The following CCDC51 variants were observed in gnomAD, a reference collection of about 807,000 sequenced individuals.
CCDC51 encodes the protein coiled-coil domain containing 51, also known as mitochondrial potassium channel.
Under a neutral mutation model 24.8 loss-of-function variants are expected in CCDC51, and 25 were observed. That is an observed-to-expected ratio of 1.01 (90% confidence interval 0.73 to 1.41). The LOEUF (loss-of-function observed/expected upper bound fraction) is 1.41. Ranked by LOEUF, CCDC51 falls within the 40% of genes most tolerant of loss-of-function variation. The pLI is 0.00. For synonymous variants in CCDC51, 190 were observed against 204.3 expected, an observed-to-expected ratio of 0.93 and a Z score of 0.60; for missense variants, 466 against 519.1, an observed-to-expected ratio of 0.90 and a Z score of 0.99.
intron 1 of CCDC51, among the ~76,000 whole-genome samples, chr3:48,438,536 C>T (rs1462786630): frequency 2.0e-5 from 3 of 152,102 alleles, no homozygotes; most frequent in Non-Finnish European, 2.9e-5. Context: ...TCAACAACCT[C>T]GCATCACCCC....
chr3:48,443,815 T>A (rs760621563), upstream of CCDC51: 2 of 1,541,678 alleles, frequency 1.3e-6, no homozygotes, highest in East Asian at 2.4e-5. Flanking sequence ...AGAACTATAT[T>A]TTTCCCTAAT....
At position 48,433,376 on chromosome 3, in the gene CCDC51, G is replaced by A. The variant is rs2039248501; in HGVS notation, c.478-210C>T. ...AGTGAGTTGCATGATCGTCCCACCT[G>A]AGCAGTTCTGGGTTTGACCAGAGGT... On this transcript the variant is annotated intron_variant, in intron 3 of 3. Coordinates refer to ENST00000395694, the MANE Select transcript of CCDC51 (RefSeq NM_001256964.2). The surrounding 1 kb of genome is among the most constrained non-coding windows in gnomAD (Gnocchi z 4.4). 6.6e-6 allele frequency among the ~76,000 whole-genome samples: 1 copy of A among 152,212 alleles called. No individual in the cohort carries two copies. Among genetic ancestry groups the A allele is most frequent in the South Asian group, 2.1e-4 (1 of 4,836 alleles).
At chr3:48,442,260 CAA>C (rs199829895), upstream of CCDC51, among the ~76,000 whole-genome samples, 893 of 131,754 alleles carry the variant, frequency 6.8e-3, 12 homozygotes, top group African/African-American at 0.021. Flanking sequence ...GACCCTATCT[CAA>C]AAAAAAAAAA....
the CCDC51 span, among the ~76,000 whole-genome samples, chr3:48,446,000 C>G: frequency 6.6e-6 from 1 of 152,146 alleles, no homozygotes; most frequent in South Asian, 2.1e-4. Context: ...GTAGAATTCT[C>G]GTGTTAGTCT....
chr3:48,434,787 G>A (rs748599525), intron 2 of CCDC51, 30 bp downstream of exon 2: 9 of 1,553,622 alleles, frequency 5.8e-6, no homozygotes, highest in South Asian at 2.4e-5. Flanking sequence ...GTCAGAGGGC[G>A]GGGCCAGCCA....
upstream of CCDC51, chr3:48,440,237 A>G (rs3774808): frequency 0.57 from 884,268 of 1,551,282 alleles, 255,475 homozygotes; most frequent in Admixed American, 0.74. Context: ...GTCTACGACA[A>G]AGGGTGGGGC....
upstream of CCDC51, chr3:48,444,301 G>A (rs566005744): frequency 6.5e-6 from 1 of 154,072 alleles, no homozygotes; most frequent in South Asian, 2.0e-4. Flanking sequence ...AGGGGGTGGA[G>A]TCTCACTCTC....
upstream of CCDC51, chr3:48,443,748 A>G: frequency 1.1e-6 from 1 of 898,028 alleles, no homozygotes; most frequent in Non-Finnish European, 1.6e-6. Context: ...GTGAATGCCC[A>G]ATACAAAAGC....
Position 48,435,815 on chromosome 3 carries a change from T to C in CCDC51, c.-8-679A>G, listed in dbSNP as rs892059342. ...AAAACTGTTTTTGCCACAGAGGACT[T>C]TTCTTAGGTTCACGCCATACAACTC... On this transcript the variant is annotated intron_variant, in intron 1 of 3. Transcript: ENST00000395694. This position sits in a 1 kb window ranked among gnomAD's most constrained non-coding sequence, Gnocchi z 4.2. Among the ~76,000 whole-genome samples the C allele has an allele frequency of 1.7e-4, 26 of 152,116 alleles. No homozygotes were observed. Among genetic ancestry groups the C allele is most frequent in the Non-Finnish European group, 2.2e-4 (15 of 68,010 alleles).
At position 48,433,813 on chromosome 3, in the gene CCDC51, T is replaced by C; in HGVS notation, c.371A>G (p.Glu124Gly). ...CTCCTTCAGCTTGGCCTGGTGAACT[T>C]CCAAGTCCTCCCGAGCCTCTCGGAC... Reference protein sequence around the residue: ...GLVREAREDLEVHQAKLKEVR... With the variant: ...GLVREAREDLGVHQAKLKEVR... Residue 124 changes from glutamate to glycine, a missense_variant, in exon 3 of 4, where the codon GAA becomes GGA. By Grantham distance (98) the Glu-to-Gly change is moderately conservative (BLOSUM62 -2). Coordinates refer to ENST00000395694, the MANE Select transcript of CCDC51 (RefSeq NM_001256964.2). This position sits in a 1 kb window ranked among gnomAD's most constrained non-coding sequence, Gnocchi z 4.4. 6.2e-7 allele frequency: 1 copy of C among 1,613,900 alleles called. No individual in the cohort carries two copies. The highest frequency in any genetic ancestry group is 8.5e-7 in the Non-Finnish European group (1 of 1,179,968).
rs1038435223 is a variant in CCDC51, at chr3:48,440,017, G to T, written c.-38C>A. On this transcript the variant is annotated 5_prime_UTR_variant, in exon 1 of 4. The change creates a new upstream start codon in the 5' untranslated region. Coordinates refer to ENST00000395694, the MANE Select transcript of CCDC51 (RefSeq NM_001256964.2). ...AGTGCTCTTCCCGCGCACGGCCACA[G>T]GCCTGGTAGGCCGTCCGGTTAAGTA... is the stretch of plus-strand genomic sequence containing the variant. 2 of 525,028 alleles carry T rather than the reference G, an allele frequency of 3.8e-6. No individual in the cohort carries two copies. Among genetic ancestry groups the T allele is most frequent in the Non-Finnish European group, 6.7e-6 (2 of 300,438 alleles). 32.5% of individuals were successfully genotyped at this position (525,028 alleles called of 1,614,324 possible).
In CCDC51 at chr3:48,432,187, A is replaced by G; in HGVS notation, c.*221T>C. 2 of 561,168 alleles carry G rather than the reference A, an allele frequency of 3.6e-6. No individual in the cohort carries two copies. Among genetic ancestry groups the G allele is most frequent in the Non-Finnish European group, 6.3e-6 (2 of 318,252 alleles). 34.8% of individuals were successfully genotyped at this position (561,168 alleles called of 1,614,324 possible). ...CAGTCTGATTGTTTTAAATAATAAA[A>G]CTCAGGATATTTTAATTGGACATTA... On this transcript the variant is annotated 3_prime_UTR_variant, in exon 4 of 4. Transcript: ENST00000395694.
At chr3:48,440,189 C>T (rs1161664310), upstream of CCDC51, 2 of 1,502,616 alleles carry the variant, frequency 1.3e-6, no homozygotes, top group Non-Finnish European at 1.8e-6. Context: ...GAGAGTTCAA[C>T]TTCCTGACTA....
At chr3:48,444,123 C>T, upstream of CCDC51, 2 of 362,030 alleles carry the variant, frequency 5.5e-6, no homozygotes, top group Non-Finnish European at 9.9e-6. Flanking sequence ...AAAACCAGCT[C>T]AGAATCTTGC....
At position 48,433,563 on chromosome 3, in the gene CCDC51, CT is replaced by C; in HGVS notation, c.477+143del. 1 of 853,454 alleles carries C rather than the reference CT, an allele frequency of 1.2e-6. No individual in the cohort carries two copies. The highest frequency in any genetic ancestry group is 2.4e-5 in the Admixed American group (1 of 41,500). The allele number at this position is 853,454 out of a possible 1,614,324, so 52.9% of individuals were successfully genotyped here. A position where few individuals can be genotyped will look rare whatever the true frequency, so the allele number is the denominator to read the frequency against. On this transcript the variant is annotated intron_variant, in intron 3 of 3. Coordinates refer to ENST00000395694, the MANE Select transcript of CCDC51 (RefSeq NM_001256964.2). This position sits in a 1 kb window ranked among gnomAD's most constrained non-coding sequence, Gnocchi z 4.4. ...GGATAGACTCTGGAAGCTTGGGGTT[CT>C]GTCCATCCATAGGAGCTTCTGGCTC...
chr3:48,434,703 G>T, intron 2 of CCDC51, 114 bp downstream of exon 2: 3 of 968,732 alleles, frequency 3.1e-6, no homozygotes, highest in Non-Finnish European at 3.1e-6. Context: ...AGGTTTCCAC[G>T]TGAGAAATGA....
rs1305415825 is a variant in CCDC51 at position 48,433,761 on chromosome 3, G to A, written c.423C>T (p.Ser141=). 5 of 1,614,070 alleles carry A rather than the reference G, an allele frequency of 3.1e-6. No homozygotes were observed. The highest frequency in any genetic ancestry group is 1.7e-6 in the Non-Finnish European group (2 of 1,179,986). ...KEVRDRLDRV[S]REDSQYLELA... is the part of the protein sequence containing the mutation. Reference sequence around the variant, plus strand: ...GTTCCAAGTACTGACTGTCCTCCCTGGAGACACGGTCCAAGCGGTCCCTCA... The same window carrying A: ...GTTCCAAGTACTGACTGTCCTCCCTAGAGACACGGTCCAAGCGGTCCCTCA... Residue 141 remains serine, a synonymous_variant, in exon 3 of 4, where the codon TCC becomes TCT. Coordinates refer to ENST00000395694, the MANE Select transcript of CCDC51 (RefSeq NM_001256964.2). The surrounding 1 kb of genome is among the most constrained non-coding windows in gnomAD (Gnocchi z 4.4).
chr3:48,446,605 C>A, the CCDC51 span: 1 of 396,204 alleles, frequency 2.5e-6, no homozygotes, highest in Non-Finnish European at 4.2e-6. Flanking sequence ...GTCCTTGCAG[C>A]AAACCTGCCG....
At chr3:48,438,740 A>C (rs1259885239) in intron 1 of CCDC51, among the ~76,000 whole-genome samples, 1 of 152,096 alleles carries the variant, frequency 6.6e-6, no homozygotes, top group Non-Finnish European at 1.5e-5. Context: ...CAGCCCCTAC[A>C]ATTTATTGTC....
Sources: allele counts gnomAD v4.1 joint callset (sites outside exome capture counted in the v4.1 genomes callset), GRCh38; gene constraint gnomAD v4.1.1; non-coding constraint Gnocchi (gnomAD v3.1); transcripts MANE v1.5; gene names NCBI Gene and HGNC (gene_info 2026-07-23, HGNC 2026-07-21).